The following NTRK3 variants were observed in gnomAD, a reference collection of about 807,000 sequenced individuals.
The protein encoded by NTRK3 is NT-3 growth factor receptor.
In NTRK3, 24 loss-of-function variants were observed where a neutral mutation model predicts 91.7. The ratio of observed to expected loss-of-function variants is 0.26; its 90% confidence interval spans 0.19 to 0.37. NTRK3 has a LOEUF of 0.37. NTRK3 is among the 10% of genes least tolerant of loss of function. The probability of loss-of-function intolerance (pLI) is 1.00; values close to 1 mark genes in which losing one functional copy is unlikely to be tolerated. For missense variants in NTRK3, 880 were observed against 1,068.9 expected (o/e 0.82, Z 2.46); for synonymous variants, 483 against 404.0 (o/e 1.20, Z -2.34).
intron 13 of NTRK3, among the ~76,000 whole-genome samples, chr15:88,055,481 T>C (rs1402112487): frequency 6.6e-6 from 1 of 152,200 alleles, no homozygotes; most frequent in African/African-American, 2.4e-5. Context: ...TCAATGACCC[T>C]TGAAAACATC....
intron 13 of NTRK3, among the ~76,000 whole-genome samples, chr15:88,043,980 T>C (rs2079899871): frequency 6.6e-6 from 1 of 152,148 alleles, no homozygotes; most frequent in Non-Finnish European, 1.5e-5. Context: ...AGTCATACCA[T>C]GGCATATTGT....
intron 13 of NTRK3, among the ~76,000 whole-genome samples, chr15:88,070,920 G>A (rs1403380259): frequency 6.6e-6 from 1 of 152,166 alleles, no homozygotes; most frequent in Admixed American, 6.5e-5. Context: ...GGAGGAGAAG[G>A]AAGATTCCTA....
At chr15:88,105,555 G>A (rs2050613320) in intron 13 of NTRK3, among the ~76,000 whole-genome samples, 1 of 152,196 alleles carries the variant, frequency 6.6e-6, no homozygotes, top group African/African-American at 2.4e-5. Flanking sequence ...CGCTCCACTA[G>A]TTCCACATAC....
rs202175734 is a variant in NTRK3, at chr15:88,127,142, T to G, written c.1293+20A>C. 6.2e-7 allele frequency: 1 copy of G among 1,609,252 alleles called. No individual in the cohort carries two copies. The highest frequency in any genetic ancestry group is 1.7e-5 in the Admixed American group (1 of 59,904). ...GACTATGCCAGTCAACACACTCCTC[T>G]TGACCAAGAAGTGACTCACCCCAAA... On this transcript the variant is annotated intron_variant, in intron 12 of 18. Transcript: ENST00000394480.
At chr15:87,981,169 A>G (rs2074229713) in intron 14 of NTRK3, 8 of 1,551,658 alleles carry the variant, frequency 5.2e-6, no homozygotes, top group Non-Finnish European at 7.0e-6. Flanking sequence ...TAAGAACCAA[A>G]ATTGGTTAGG....
At chr15:88,180,656 A>G (rs1219704903) in intron 5 of NTRK3, among the ~76,000 whole-genome samples, 1 of 151,032 alleles carries the variant, frequency 6.6e-6, no homozygotes, top group Non-Finnish European at 1.5e-5. Flanking sequence ...AGAGGAAAGA[A>G]GAAAAGACTT....
intron 17 of NTRK3, among the ~76,000 whole-genome samples, chr15:87,898,965 G>A (rs767636362): frequency 1.6e-4 from 25 of 152,006 alleles, no homozygotes; most frequent in Middle Eastern, 3.4e-3. Context: ...CCCAGAGCAC[G>A]CTTCTTGCAA....
chr15:88,131,050 T>C (rs567173163), intron 10 of NTRK3, among the ~76,000 whole-genome samples: 3 of 152,358 alleles, frequency 2.0e-5, no homozygotes, highest in African/African-American at 7.2e-5. Context: ...AAGTTAAAAA[T>C]CTTTAAAAAT....
exon 19 of NTRK3, chr15:87,874,164 A>C: frequency 4.4e-6 from 1 of 228,758 alleles, no homozygotes. Context: ...GTACCCTGCA[A>C]TTTCCATGGC....
At chr15:87,969,106 T>C (rs147958955) in intron 14 of NTRK3, among the ~76,000 whole-genome samples, 39 of 152,226 alleles carry the variant, frequency 2.6e-4, no homozygotes, top group African/African-American at 8.7e-4. Context: ...AGAAGAGGCA[T>C]AGGACAATTG....
chr15:87,975,034 G>T (rs929288990), intron 14 of NTRK3, among the ~76,000 whole-genome samples: 1 of 152,290 alleles, frequency 6.6e-6, no homozygotes, highest in Admixed American at 6.5e-5. Context: ...TCAAGCTGTG[G>T]AAACCTGAGC....
At chr15:88,156,725 C>T (rs962600000) in intron 5 of NTRK3, among the ~76,000 whole-genome samples, 13 of 152,192 alleles carry the variant, frequency 8.5e-5, no homozygotes, top group Non-Finnish European at 1.8e-4. Flanking sequence ...TCACAGCCTG[C>T]GTCTCAGACT....
chr15:88,000,428 A>C (rs1456540869), intron 14 of NTRK3, among the ~76,000 whole-genome samples: 1 of 152,198 alleles, frequency 6.6e-6, no homozygotes, highest in Non-Finnish European at 1.5e-5. Flanking sequence ...TTCACAAAAC[A>C]TAAAATTCAC....
chr15:87,929,266 C>A lies in NTRK3; in HGVS notation c.2058G>T (p.Leu686=), dbSNP rs568089538. Residue 686 remains leucine, a synonymous_variant, in exon 17 of 19, where the codon CTG becomes CTT. Transcript: ENST00000394480. ...TCTTCACTAGCAGATTCGCTCCAAC[C>A]AGGCAGTTCCTGGTGGCCAGGTCTC... 5.0e-6 allele frequency: 8 copies of A among 1,614,128 alleles called. No homozygotes were observed. The African/African-American group carries it at 6.7e-5, about 13-fold the overall frequency.
chr15:88,066,005 A>G (rs1597099208), intron 13 of NTRK3, among the ~76,000 whole-genome samples: 1 of 152,240 alleles, frequency 6.6e-6, no homozygotes, highest in Admixed American at 6.5e-5. Flanking sequence ...GCCTTATGAC[A>G]TTTTAGAGAA....
chr15:87,879,375 A>G (rs2065118852), intron 18 of NTRK3, among the ~76,000 whole-genome samples: 1 of 152,192 alleles, frequency 6.6e-6, no homozygotes, highest in Non-Finnish European at 1.5e-5. Context: ...TACTGCCTAC[A>G]AACTGCACTG....
intron 14 of NTRK3, among the ~76,000 whole-genome samples, chr15:87,954,444 G>A (rs2071469474): frequency 6.6e-6 from 1 of 152,128 alleles, no homozygotes. Flanking sequence ...ATATTCTCCT[G>A]TATAATTTCC....
In NTRK3 at chr15:87,864,676, A is replaced by T. The variant is rs1005275458; in HGVS notation, c.*12259T>A. 8 of 230,238 alleles carry T rather than the reference A, an allele frequency of 3.5e-5. No individual in the cohort carries two copies. In the East Asian group the frequency reaches 4.9e-4, roughly 14 times the overall value. 14.3% of individuals were successfully genotyped at this position (230,238 alleles called of 1,614,324 possible). On this transcript the variant is annotated 3_prime_UTR_variant, in exon 19 of 19. Transcript: ENST00000394480. ...ATCCCCCTGTCTCCTTGTATTTTTT[A>T]GAGCATTCTCCATGGCTAGATACTC...
At chr15:87,941,028 C>T (rs967256772) in intron 14 of NTRK3, among the ~76,000 whole-genome samples, 1 of 152,162 alleles carries the variant, frequency 6.6e-6, no homozygotes, top group African/African-American at 2.4e-5. Flanking sequence ...GTAGTTAATG[C>T]ACAGGATTCT....
Sources: allele counts gnomAD v4.1 joint callset (sites outside exome capture counted in the v4.1 genomes callset), GRCh38; gene constraint gnomAD v4.1.1; transcripts MANE v1.5; gene names NCBI Gene and HGNC (gene_info 2026-07-23, HGNC 2026-07-21).